Variants in ECM2 observed in about 807,000 individuals in gnomAD.
ECM2 encodes the protein extracellular matrix protein 2, also known as extracellular matrix protein 2, female organ and adipocyte specific.
Under a neutral mutation model 67.5 loss-of-function variants are expected in ECM2, and 57 were observed. The ratio of observed to expected loss-of-function variants is 0.84; its 90% CI spans 0.68 to 1.05. The LOEUF is 1.05. ECM2 is among the 50% of genes least tolerant of loss of function. ECM2 has a pLI of 0.00. For synonymous variants in ECM2, 258 were observed against 294.5 expected, an observed-to-expected ratio of 0.88 and a Z score of 1.27; for missense variants, 741 against 822.8, an observed-to-expected ratio of 0.90 and a Z score of 1.22.
chr9:92,545,442 C>T, the ECM2 span, among the ~76,000 whole-genome samples: 2 of 152,314 alleles, frequency 1.3e-5, no homozygotes, highest in South Asian at 2.1e-4. Flanking sequence ...GCCGGCCCAC[C>T]GGCGCTGTGC....
intron 2 of ECM2, among the ~76,000 whole-genome samples, chr9:92,519,049 C>T (rs968445451): frequency 6.6e-6 from 1 of 152,128 alleles, no homozygotes; most frequent in Non-Finnish European, 1.5e-5. Context: ...TGGTGTCATT[C>T]CAGATAACTT....
At chr9:92,551,929 A>C in the ECM2 span, among the ~76,000 whole-genome samples, 5 of 50,920 alleles carry the variant, frequency 9.8e-5, no homozygotes, top group African/African-American at 6.7e-4. Context: ...GTGTGTGTAT[A>C]TATATATATA....
chr9:92,503,663 TA>T (rs1440333385), intron 7 of ECM2, among the ~76,000 whole-genome samples: 1 of 152,218 alleles, frequency 6.6e-6, no homozygotes, highest in Non-Finnish European at 1.5e-5. Context: ...AATTCAGAGG[TA>T]AAACTGGCAT....
chr9:92,512,137 C>G lies in ECM2; in HGVS notation c.1055-11G>C, dbSNP rs374663122. 1.2e-5 allele frequency: 19 copies of G among 1,600,980 alleles called. No homozygotes were observed. The Middle Eastern group carries it at 1.3e-3, about 112-fold the overall frequency. On this transcript the variant is annotated splice_polypyrimidine_tract_variant and intron_variant, in intron 4 of 9. Coordinates refer to ENST00000344604, the MANE Select transcript of ECM2 (RefSeq NM_001393.4). Reference sequence around the variant, plus strand: ...AGGCGATGGAATTGCCTAGGACACACAGCGGTTATGTTTTAGGCATGTGTG... The same window carrying G: ...AGGCGATGGAATTGCCTAGGACACAGAGCGGTTATGTTTTAGGCATGTGTG...
intron 2 of ECM2, among the ~76,000 whole-genome samples, chr9:92,518,329 G>A (rs1339699521): frequency 1.3e-5 from 2 of 152,166 alleles, no homozygotes; most frequent in East Asian, 3.9e-4. Context: ...TCACACATGA[G>A]CTCTTAAAGT....
intron 5 of ECM2, among the ~76,000 whole-genome samples, chr9:92,511,013 G>A (rs187714301): frequency 2.4e-4 from 37 of 152,302 alleles, no homozygotes; most frequent in Non-Finnish European, 4.0e-4. Flanking sequence ...TCACTTAGTG[G>A]AATATAGTGT....
chr9:92,499,976 G>A (rs1846573244), intron 9 of ECM2, among the ~76,000 whole-genome samples: 1 of 152,154 alleles, frequency 6.6e-6, no homozygotes, highest in African/African-American at 2.4e-5. Context: ...CAAAAGTAGG[G>A]AAAGTGAGTC....
chr9:92,518,965 G>C (rs551116127), intron 2 of ECM2, among the ~76,000 whole-genome samples: 80 of 152,256 alleles, frequency 5.3e-4, no homozygotes, highest in African/African-American at 1.7e-3. Context: ...GTAGATATGT[G>C]GATAAGTGTA....
In ECM2 at chr9:92,514,882, C is replaced by T. The variant is rs1298397170; in HGVS notation, c.803G>A (p.Gly268Glu). 2 of 1,613,550 alleles carry T rather than the reference C, an allele frequency of 1.2e-6. No homozygotes were observed. The highest frequency in any genetic ancestry group is 1.7e-6 in the Non-Finnish European group (2 of 1,179,650). Residue 268 changes from glycine to glutamate, a missense_variant, in exon 4 of 10, where the codon GGA becomes GAA. Transcript: ENST00000344604. ...RRLAHQQQRQ[G>E]REEEEDEEEE... The stretch of plus-strand genomic sequence containing the variant: ...CTCCTCATCCTCCTCCTCCTCCCTT[C>T]CTTGGCGTTGTTGCTGGTGTGCCAG...
At chr9:92,525,576 A>G (rs184042532) in intron 1 of ECM2, among the ~76,000 whole-genome samples, 5 of 152,184 alleles carry the variant, frequency 3.3e-5, no homozygotes, top group Non-Finnish European at 4.4e-5. Flanking sequence ...AAACAAACCT[A>G]CTGCACTTCC....
the ECM2 span, among the ~76,000 whole-genome samples, chr9:92,559,095 A>G: frequency 1.3e-5 from 2 of 152,148 alleles, no homozygotes; most frequent in Non-Finnish European, 2.9e-5. Flanking sequence ...CCGCCTCTGA[A>G]GTCTGCACAC....
intron 9 of ECM2, among the ~76,000 whole-genome samples, chr9:92,499,293 G>T (rs889224078): frequency 6.6e-6 from 1 of 152,156 alleles, no homozygotes; most frequent in Non-Finnish European, 1.5e-5. Context: ...TCCCACTGGT[G>T]GTTTAAAGGA....
In ECM2 at chr9:92,496,445, TC is replaced by T; in HGVS notation, c.1969del (p.Asp657MetfsTer29). ...AAGATGTTCCAGATTTGAGTCATCA[TC>T]CTCTTCAGCATTGCAAATTTCTTCT... Reference protein sequence around the residue: ...LPEEICNAEEDDDSNLEHLHL... With the variant: ...LPEEICNAEEXDDSNLEHLHL... On this transcript the variant is annotated frameshift_variant, in exon 10 of 10. Transcript: ENST00000344604. LOFTEE classifies it high-confidence loss of function. 1 of 1,609,360 alleles carries T rather than the reference TC, an allele frequency of 6.2e-7. No individual in the cohort carries two copies. The highest frequency in any genetic ancestry group is 1.7e-5 in the Admixed American group (1 of 59,232).
chr9:92,554,645 T>C, the ECM2 span, among the ~76,000 whole-genome samples: 24 of 152,246 alleles, frequency 1.6e-4, no homozygotes, highest in East Asian at 3.9e-3. Flanking sequence ...TTGTTTTGTT[T>C]TGTTTTTTCC....
At chr9:92,501,104 T>A in intron 8 of ECM2, 51 bp from the exon 9 acceptor site, 1 of 1,563,420 alleles carries the variant, frequency 6.4e-7, no homozygotes, top group Non-Finnish European at 8.7e-7. Context: ...ATGGTGATCA[T>A]CAGCTCTAAA....
the ECM2 span, among the ~76,000 whole-genome samples, chr9:92,541,673 T>G: frequency 6.6e-6 from 1 of 152,056 alleles, no homozygotes; most frequent in African/African-American, 2.4e-5. Context: ...TCCTTTCATA[T>G]ATACATTTTC....
Position 92,502,524 on chromosome 9 carries a change from C to T in ECM2, c.1593G>A (p.Trp531Ter). 6.2e-7 allele frequency: 1 copy of T among 1,612,396 alleles called. No homozygotes were observed. Among genetic ancestry groups the T allele is most frequent in the Non-Finnish European group, 8.5e-7 (1 of 1,179,262 alleles). ...IEENRIAPLAWINQENLESID... is the reference protein window; with the variant it reads ...IEENRIAPLA The stretch of plus-strand genomic sequence containing the variant: ...TAGCATGTACTTACTCTTGATTTAT[C>T]CAGGCTAAAGGAGCAATCCTATTTT... The change falls in exon 8 of 10, where the codon TGG becomes TGA. Residue 531 changes from tryptophan (W) to a stop codon, truncating the protein, a stop_gained. Coordinates refer to ENST00000344604, the MANE Select transcript of ECM2 (RefSeq NM_001393.4). LOFTEE classifies it high-confidence loss of function.
At chr9:92,551,942 T>TATGATATATATATATG in the ECM2 span, among the ~76,000 whole-genome samples, 1 of 79,520 alleles carries the variant, frequency 1.3e-5, no homozygotes, top group South Asian at 2.8e-4. Context: ...TATATATATA[T>TATGATATATATATATG]ATATATATAT....
chr9:92,550,660 G>A, the ECM2 span, among the ~76,000 whole-genome samples: 3 of 152,144 alleles, frequency 2.0e-5, no homozygotes, highest in East Asian at 5.8e-4. Flanking sequence ...TAAGGGTTGA[G>A]GCAAGAGTAC....
Sources: allele counts gnomAD v4.1 joint callset (sites outside exome capture counted in the v4.1 genomes callset), GRCh38; gene constraint gnomAD v4.1.1; transcripts MANE v1.5; gene names NCBI Gene and HGNC (gene_info 2026-07-23, HGNC 2026-07-21).